The following KIAA1217 variants were observed in gnomAD, a reference collection of about 807,000 sequenced individuals.
KIAA1217 encodes sickle tail protein homolog.
KIAA1217 carries 88 observed loss-of-function variants against 163.9 expected under a neutral mutation model. The ratio of observed to expected loss-of-function variants is 0.54; its 90% CI spans 0.45 to 0.64. KIAA1217 has a LOEUF of 0.64. KIAA1217 is among the 30% of genes least tolerant of loss of function. The pLI is 0.00. For missense variants in KIAA1217, 2,372 were observed against 2,475.0 expected, an observed-to-expected ratio of 0.96 and a Z score of 0.88; for synonymous variants, 903 against 923.1, an observed-to-expected ratio of 0.98 and a Z score of 0.39.
At chr10:24,501,872 C>T (rs1005550617) in intron 9 of KIAA1217, among the ~76,000 whole-genome samples, 4 of 150,926 alleles carry the variant, frequency 2.7e-5, no homozygotes, top group Admixed American at 1.3e-4. Context: ...CCTCAGCCTC[C>T]CGAGTAGCTG....
chr10:24,357,419 C>A (rs1477349942), intron 2 of KIAA1217, among the ~76,000 whole-genome samples: 2 of 152,076 alleles, frequency 1.3e-5, no homozygotes, highest in South Asian at 2.1e-4. Context: ...TACCTTTGGC[C>A]GGGCCCAAGC....
At chr10:24,158,931 C>G (rs928718901) in intron 2 of KIAA1217, 2 of 195,410 alleles carry the variant, frequency 1.0e-5, no homozygotes, top group East Asian at 3.2e-4. Context: ...ATTAAAGATA[C>G]AGCCTATTTG....
At chr10:23,701,414 C>T (rs1422578895) in intron 1 of KIAA1217, among the ~76,000 whole-genome samples, 3 of 152,180 alleles carry the variant, frequency 2.0e-5, no homozygotes, top group Admixed American at 1.3e-4. Context: ...GAGCCACATT[C>T]TCTCATGTCC....
intron 6 of KIAA1217, among the ~76,000 whole-genome samples, chr10:24,475,653 A>T (rs551348260): frequency 6.6e-6 from 1 of 152,368 alleles, no homozygotes; most frequent in East Asian, 1.9e-4. Flanking sequence ...TCTCCTTTCC[A>T]AAGTCCTCAT....
intron 2 of KIAA1217, among the ~76,000 whole-genome samples, chr10:24,112,590 TTTA>T (rs2062891199): frequency 6.6e-6 from 1 of 151,970 alleles, no homozygotes; most frequent in Non-Finnish European, 1.5e-5. Flanking sequence ...TTTATTTTAT[TTTA>T]TTTTTTTTTG....
chr10:24,021,735 G>A (rs1421774580), intron 2 of KIAA1217, among the ~76,000 whole-genome samples: 3 of 151,800 alleles, frequency 2.0e-5, no homozygotes, highest in Admixed American at 2.0e-4. Context: ...AGACAGGGTG[G>A]TATTTGTAAA....
At chr10:24,185,289 C>A (rs961266019) in intron 2 of KIAA1217, among the ~76,000 whole-genome samples, 1 of 152,212 alleles carries the variant, frequency 6.6e-6, no homozygotes, top group Non-Finnish European at 1.5e-5. Context: ...CATACAAGGA[C>A]ACCACTCAGT....
chr10:24,075,606 C>CTTTTTT (rs1275191864), intron 2 of KIAA1217, among the ~76,000 whole-genome samples: 1 of 138,058 alleles, frequency 7.2e-6, no homozygotes, highest in Non-Finnish European at 1.6e-5. Flanking sequence ...AGCATTTTAT[C>CTTTTTT]TTTTTTTTTT....
rs776829155 is a variant in KIAA1217, at chr10:24,524,780, T to G, written c.2898+16T>G. ...GTCTATCGAGGTAGAGTCCTATTTC[T>G]GTTTCTCATAACCCCATAAAGGAGT... On this transcript the variant is annotated intron_variant, in intron 13 of 20. Transcript: ENST00000376454. 6.4e-7 allele frequency: 1 copy of G among 1,562,980 alleles called. No homozygotes were observed. The highest frequency in any genetic ancestry group is 1.4e-5 in the African/African-American group (1 of 73,670).
chr10:24,143,251 C>T (rs2064163998), intron 2 of KIAA1217, among the ~76,000 whole-genome samples: 1 of 152,118 alleles, frequency 6.6e-6, no homozygotes, highest in South Asian at 2.1e-4. Flanking sequence ...GTTGTTATCC[C>T]CTCAGCAAGC....
At chr10:23,702,927 C>T (rs553247195) in intron 1 of KIAA1217, among the ~76,000 whole-genome samples, 10 of 152,152 alleles carry the variant, frequency 6.6e-5, no homozygotes, top group Non-Finnish European at 1.2e-4. Context: ...GGGGTTTCAC[C>T]GTGTTAGCCA....
At chr10:23,769,270 A>G (rs767225499) in intron 1 of KIAA1217, among the ~76,000 whole-genome samples, 20 of 152,180 alleles carry the variant, frequency 1.3e-4, no homozygotes, top group Admixed American at 1.3e-4. Flanking sequence ...TGGGGTCCAT[A>G]GGATCAGATG....
intron 3 of KIAA1217, among the ~76,000 whole-genome samples, chr10:24,415,222 C>A (rs1441570629): frequency 4.0e-5 from 6 of 149,886 alleles, no homozygotes; most frequent in African/African-American, 1.5e-4. Context: ...TCAAGCGATT[C>A]TCCTGCCTCA....
At chr10:24,005,275 A>G (rs1247651311) in intron 1 of KIAA1217, among the ~76,000 whole-genome samples, 2 of 152,194 alleles carry the variant, frequency 1.3e-5, no homozygotes, top group Non-Finnish European at 2.9e-5. Flanking sequence ...TTGGCACTCA[A>G]TGTAAGCTAG....
chr10:23,954,265 T>G (rs1264579542), intron 1 of KIAA1217, among the ~76,000 whole-genome samples: 1 of 151,956 alleles, frequency 6.6e-6, no homozygotes, highest in East Asian at 1.9e-4. Context: ...TGCTAGAGCC[T>G]CAATGAAAGG....
At chr10:23,700,826 A>G (rs1273629149) in intron 1 of KIAA1217, among the ~76,000 whole-genome samples, 1 of 152,178 alleles carries the variant, frequency 6.6e-6, no homozygotes, top group Non-Finnish European at 1.5e-5. Flanking sequence ...TTTCCCTTTT[A>G]GCTCTTTGGC....
intron 1 of KIAA1217, among the ~76,000 whole-genome samples, chr10:23,716,115 C>T (rs1256898325): frequency 2.0e-5 from 3 of 152,088 alleles, no homozygotes; most frequent in Admixed American, 6.6e-5. Flanking sequence ...AAGAGATTTA[C>T]GTACATACTT....
Position 24,212,149 on chromosome 10 carries a change from C to G in KIAA1217, c.70+2886C>G, listed in dbSNP as rs541033532. 5.3e-5 allele frequency among the ~76,000 whole-genome samples: 8 copies of G among 151,874 alleles called. No homozygotes were observed. The South Asian group carries it at 1.7e-3, about 32-fold the overall frequency. ...AGGAGAGGAAAAAAGAAAAGACAAA[C>G]AAGACAAGACAAAAGCAATTGCTAA... is the stretch of plus-strand genomic sequence containing the variant. On this transcript the variant is annotated intron_variant, in intron 1 of 20. Coordinates refer to ENST00000376454, the MANE Select transcript of KIAA1217 (RefSeq NM_019590.5).
intron 1 of KIAA1217, among the ~76,000 whole-genome samples, chr10:23,699,264 G>C (rs1836258644): frequency 6.6e-6 from 1 of 152,206 alleles, no homozygotes; most frequent in African/African-American, 2.4e-5. Flanking sequence ...CTTGGACTGG[G>C]TGTTCCCCAC....
Sources: allele counts gnomAD v4.1 joint callset (sites outside exome capture counted in the v4.1 genomes callset), GRCh38; gene constraint gnomAD v4.1.1; transcripts MANE v1.5; gene names NCBI Gene and HGNC (gene_info 2026-07-23, HGNC 2026-07-21).